Variants in ACSM2A observed in about 807,000 individuals in gnomAD.
ACSM2A encodes acyl-coenzyme A synthetase ACSM2A, mitochondrial.
A neutral mutation model predicts 76.6 loss-of-function variants in ACSM2A; 72 were observed. The ratio of observed to expected loss-of-function variants is 0.94; its 90% CI spans 0.78 to 1.14. The LOEUF is 1.14. Among genes scored for constraint, ACSM2A ranks in the 50% most tolerant of loss-of-function variants. The pLI, the probability that ACSM2A is intolerant of heterozygous loss-of-function variation, is 0.00. For missense variants in ACSM2A, 684 were observed against 708.5 expected (o/e 0.97, Z 0.39); for synonymous variants, 249 against 255.9 (o/e 0.97, Z 0.26).
At chr16:20,469,401 C>T in intron 3 of ACSM2A, 111 bp from the exon 4 acceptor site, 2 of 1,531,500 alleles carry the variant, frequency 1.3e-6, no homozygotes, top group East Asian at 2.3e-5. Flanking sequence ...TTGGTCATTA[C>T]TTCCTCATCC....
At chr16:20,469,320 T>G (rs1023803756) in intron 3 of ACSM2A, among the ~76,000 whole-genome samples, 192 bp from the exon 4 acceptor site, 2 of 152,182 alleles carry the variant, frequency 1.3e-5, no homozygotes, top group African/African-American at 4.8e-5. Flanking sequence ...CTTAAGACTC[T>G]GACAACCCAG....
chr16:20,458,472 G>A (rs187439978), intron 1 of ACSM2A, among the ~76,000 whole-genome samples: 136 of 143,838 alleles, frequency 9.5e-4, no homozygotes, highest in African/African-American at 3.2e-3. Context: ...TATGGATATA[G>A]TATATGTATT....
rs574855027 is a variant in ACSM2A, at chr16:20,460,579, G to A, written c.177+288G>A. Among the ~76,000 whole-genome samples, 243 of 151,886 alleles carry A rather than the reference G, an allele frequency of 1.6e-3. 2 individuals carry two copies. Among genetic ancestry groups the A allele is most frequent in the South Asian group, 8.8e-3 (42 of 4,750 alleles). On this transcript the variant is annotated intron_variant, in intron 2 of 13. Transcript: ENST00000573854. ...GCACATGCTCTGTTGTGACCTCCCA[G>A]GGTGAAATGAGGACTTTTGGTCTGG... is the stretch of plus-strand genomic sequence containing the variant.
chr16:20,473,867 T>A, intron 6 of ACSM2A: 1 of 340,938 alleles, frequency 2.9e-6, no homozygotes, highest in Middle Eastern at 1.1e-3. Flanking sequence ...TAAAGCCTAG[T>A]GCCAGTACCT....
Position 20,469,695 on chromosome 16 carries a change from G to A in ACSM2A, c.572G>A (p.Trp191Ter). The A allele has an allele frequency of 2.5e-6, 4 of 1,613,738 alleles. No homozygotes were observed. Among genetic ancestry groups the A allele is most frequent in the Non-Finnish European group, 2.5e-6 (3 of 1,179,790 alleles). ...LLVSEKSCDG[W>*]LNFKKLLNEA... ...GTGTCTGAGAAAAGCTGTGATGGGT[G>A]GCTGAACTTCAAGAAACTACTAAAG... The change falls in exon 4 of 14, where the codon TGG becomes TAG. Residue 191 changes from tryptophan to a stop codon, truncating the protein, a stop_gained. Transcript: ENST00000573854. LOFTEE classifies it high-confidence loss of function.
chr16:20,459,321 T>G (rs1377393057), intron 1 of ACSM2A, among the ~76,000 whole-genome samples: 2 of 152,188 alleles, frequency 1.3e-5, no homozygotes, highest in Non-Finnish European at 2.9e-5. Context: ...AGTGATTGTG[T>G]TAGGTCCTGT....
intron 3 of ACSM2A, among the ~76,000 whole-genome samples, chr16:20,468,974 T>C (rs1567364630): frequency 6.6e-6 from 1 of 152,206 alleles, no homozygotes; most frequent in Non-Finnish European, 1.5e-5. Context: ...AAAATTATAA[T>C]ACCACTTTGT....
At chr16:20,471,725 G>A in intron 6 of ACSM2A, 36 bp downstream of exon 6, 3 of 1,587,988 alleles carry the variant, frequency 1.9e-6, no homozygotes, top group Non-Finnish European at 2.6e-6. Flanking sequence ...GTTATTCAGA[G>A]TGAGCCCGAG....
At position 20,469,788 on chromosome 16, in the gene ACSM2A, G is replaced by A. The variant is rs2013265479; in HGVS notation, c.596+69G>A. On this transcript the variant is annotated intron_variant, in intron 4 of 13. Coordinates refer to ENST00000573854, the MANE Select transcript of ACSM2A (RefSeq NM_001308172.2). ...AAACAGAGCCAAGCACTTAGGTGCAGGTGCTTTATTGAGGAGGTGCAGAAA... is the reference window on the plus strand; with the variant it reads ...AAACAGAGCCAAGCACTTAGGTGCAAGTGCTTTATTGAGGAGGTGCAGAAA... 1.9e-6 allele frequency: 3 copies of A among 1,601,374 alleles called. No individual in the cohort carries two copies. The African/African-American group carries it at 4.0e-5, about 22-fold the overall frequency.
intron 13 of ACSM2A, 54 bp from the exon 14 acceptor site, chr16:20,486,520 G>C (rs2014389975): frequency 2.5e-6 from 4 of 1,598,110 alleles, no homozygotes; most frequent in Non-Finnish European, 2.6e-6. Context: ...TCTGAAAAAT[G>C]CAACCCACTG....
At chr16:20,453,559 A>G (rs1350537160) in intron 1 of ACSM2A, 2 of 126,148 alleles carry the variant, frequency 1.6e-5, no homozygotes, top group Non-Finnish European at 3.2e-5. Context: ...TGTTTGAACA[A>G]TATGAAATCA....
intron 3 of ACSM2A, among the ~76,000 whole-genome samples, 197 bp from the exon 4 acceptor site, chr16:20,469,315 G>T (rs767819065): frequency 1.3e-5 from 2 of 152,128 alleles, no homozygotes; most frequent in Non-Finnish European, 2.9e-5. Flanking sequence ...GGGCCCTTAA[G>T]ACTCTGACAA....
In ACSM2A at chr16:20,486,754, G is replaced by C; in HGVS notation, c.*76G>C. The C allele has an allele frequency of 6.6e-7, 1 of 1,511,014 alleles. No homozygotes were observed. The highest frequency in any genetic ancestry group is 1.2e-5 in the South Asian group (1 of 84,716). The allele number at this position is 1,511,014 out of a possible 1,614,324, so 93.6% of individuals were successfully genotyped here. On this transcript the variant is annotated 3_prime_UTR_variant, in exon 14 of 14. Coordinates refer to ENST00000573854, the MANE Select transcript of ACSM2A (RefSeq NM_001308172.2). ...CCCTTTGGGCCCTTGGCCTTCCTAT[G>C]ATTATATGAGATTCTTTATGGAAGA...
chr16:20,454,902 A>AG (rs1325383328), intron 1 of ACSM2A, among the ~76,000 whole-genome samples: 1 of 145,602 alleles, frequency 6.9e-6, no homozygotes, highest in East Asian at 1.9e-4. Flanking sequence ...AATTTAAGGA[A>AG]AAAAAAAAAT....
chr16:20,480,964 C>A, intron 12 of ACSM2A, 43 bp downstream of exon 12: 1 of 1,611,400 alleles, frequency 6.2e-7, no homozygotes. Flanking sequence ...CATATGAACA[C>A]AAGGGCAGTG....
intron 3 of ACSM2A, among the ~76,000 whole-genome samples, chr16:20,467,460 T>C (rs1415732412): frequency 6.6e-6 from 1 of 152,026 alleles, no homozygotes; most frequent in African/African-American, 2.4e-5. Flanking sequence ...AAGAAGACAA[T>C]AGTGGGGTTG....
chr16:20,459,757 T>C (rs1475020222), intron 1 of ACSM2A, among the ~76,000 whole-genome samples: 1 of 152,180 alleles, frequency 6.6e-6, no homozygotes, highest in Non-Finnish European at 1.5e-5. Flanking sequence ...TGGGGATTTA[T>C]AATCCTAGAA....
chr16:20,459,538 G>A (rs959568134), intron 1 of ACSM2A, among the ~76,000 whole-genome samples: 2 of 152,244 alleles, frequency 1.3e-5, no homozygotes, highest in East Asian at 3.9e-4. Flanking sequence ...ATTTCTTGTT[G>A]TTCTGGGTCC....
chr16:20,465,823 C>T, intron 3 of ACSM2A, 96 bp downstream of exon 3: 1 of 1,504,432 alleles, frequency 6.6e-7, no homozygotes, highest in Non-Finnish European at 8.9e-7. Flanking sequence ...AAGTCTCCTC[C>T]TTGGAGCATG....
Sources: gnomAD v4.1 joint callset for allele counts (sites outside exome capture counted in the v4.1 genomes callset) on GRCh38, gnomAD v4.1.1 for gene constraint, MANE v1.5 for transcripts, NCBI Gene and HGNC (gene_info 2026-07-23, HGNC 2026-07-21) for gene names.